Variants in CBLN2 observed in about 807,000 individuals in gnomAD.
CBLN2 encodes the protein cerebellin 2 precursor.
CBLN2 carries 7 observed loss-of-function variants against 15.0 expected under a neutral mutation model. That is an observed-to-expected ratio of 0.47 (90% confidence interval 0.27 to 0.88). The LOEUF is 0.88. Among genes scored for constraint, CBLN2 ranks in the 40% least tolerant of loss-of-function variants. CBLN2 has a pLI of 0.14. For missense variants in CBLN2, 242 were observed against 304.5 expected (o/e 0.79, Z 1.53); for synonymous variants, 149 against 135.2 (o/e 1.10, Z -0.71).
At chr18:72,608,446 C>T (rs923619534) in intron 1 of CBLN2, among the ~76,000 whole-genome samples, 2 of 152,196 alleles carry the variant, frequency 1.3e-5, no homozygotes, top group Non-Finnish European at 2.9e-5. Flanking sequence ...GGGGTGCTGA[C>T]ACTCAACAGG....
intron 1 of CBLN2, among the ~76,000 whole-genome samples, chr18:72,571,766 TA>T (rs2069333700): frequency 6.6e-6 from 1 of 152,216 alleles, no homozygotes; most frequent in Non-Finnish European, 1.5e-5. Context: ...AATCTTCCAG[TA>T]AACTGCAAAG....
intron 1 of CBLN2, among the ~76,000 whole-genome samples, chr18:72,599,538 G>A (rs749584752): frequency 2.6e-5 from 4 of 152,246 alleles, no homozygotes; most frequent in Admixed American, 2.0e-4. Flanking sequence ...ATTTTGTGGA[G>A]TTTTTTAAAA....
intron 1 of CBLN2, chr18:72,620,708 C>A (rs1403768861): frequency 6.6e-6 from 1 of 152,118 alleles, no homozygotes; most frequent in Non-Finnish European, 1.5e-5. Flanking sequence ...CAGGGACCTA[C>A]CCTCGTCTGC....
intron 1 of CBLN2, among the ~76,000 whole-genome samples, chr18:72,598,183 C>A (rs2069525260): frequency 6.6e-6 from 1 of 152,172 alleles, no homozygotes; most frequent in South Asian, 2.1e-4. Context: ...CTCTGAGTTT[C>A]ATCCAAAGTC....
At chr18:72,623,952 C>T (rs1016969017) in intron 1 of CBLN2, among the ~76,000 whole-genome samples, 41 of 152,272 alleles carry the variant, frequency 2.7e-4, no homozygotes, top group African/African-American at 8.7e-4. Flanking sequence ...ATAACTTGCT[C>T]TCTGGGAGCT....
At chr18:72,569,174 T>C (rs536397480) in intron 1 of CBLN2, among the ~76,000 whole-genome samples, 1 of 152,312 alleles carries the variant, frequency 6.6e-6, no homozygotes, top group African/African-American at 2.4e-5. Context: ...AGCATGCCAC[T>C]AGTGATACCA....
At chr18:72,556,356 T>C (rs1323610220) in intron 1 of CBLN2, among the ~76,000 whole-genome samples, 5 of 152,216 alleles carry the variant, frequency 3.3e-5, no homozygotes, top group African/African-American at 4.8e-5. Context: ...ATCAATATTA[T>C]CCATTTTCTA....
intron 1 of CBLN2, among the ~76,000 whole-genome samples, chr18:72,604,968 A>G (rs1396334225): frequency 6.6e-6 from 1 of 152,248 alleles, no homozygotes; most frequent in Non-Finnish European, 1.5e-5. Flanking sequence ...AGTATAAAAT[A>G]CTATTCCTTC....
At chr18:72,624,593 T>C (rs983272560) in intron 1 of CBLN2, among the ~76,000 whole-genome samples, 1 of 152,154 alleles carries the variant, frequency 6.6e-6, no homozygotes, top group Admixed American at 6.5e-5. Flanking sequence ...TGAGTCAAGA[T>C]TGTGCCACTG....
chr18:72,538,580 C>T (rs1309819424), intron 4 of CBLN2, 73 bp downstream of exon 4: 10 of 1,585,518 alleles, frequency 6.3e-6, no homozygotes, highest in Non-Finnish European at 8.6e-6. Context: ...CCTCAGAGAC[C>T]AGGTGAAGGG....
At chr18:72,586,395 A>G (rs1223592495) in intron 1 of CBLN2, among the ~76,000 whole-genome samples, 2 of 152,180 alleles carry the variant, frequency 1.3e-5, no homozygotes, top group African/African-American at 4.8e-5. Flanking sequence ...ATTTGCCATA[A>G]ATTTCTTTAC....
At chr18:72,637,587 G>A (rs2069822281) in intron 1 of CBLN2, among the ~76,000 whole-genome samples, 1 of 152,184 alleles carries the variant, frequency 6.6e-6, no homozygotes, top group South Asian at 2.1e-4. Context: ...CAATCACTGT[G>A]GCTCTGTGAG....
At position 72,626,773 on chromosome 18, in the gene CBLN2, C is replaced by G. The variant is rs144520908; in HGVS notation, c.15+11552G>C. ...AGGAGCCAAAAGGAAGACAAAACAA[C>G]AAATGGTGACTCTCTGATTTGATGA... On this transcript the variant is annotated intron_variant, in intron 1 of 2. Coordinates refer to the CBLN2 transcript ENST00000581073. Among the ~76,000 whole-genome samples, 351 of 152,244 alleles carry G rather than the reference C, an allele frequency of 2.3e-3. 1 individual carries two copies. Among genetic ancestry groups the G allele is most frequent in the African/African-American group, 8.1e-3 (335 of 41,552 alleles).
At chr18:72,554,249 C>T (rs949899127) in intron 1 of CBLN2, among the ~76,000 whole-genome samples, 4 of 151,410 alleles carry the variant, frequency 2.6e-5, no homozygotes, top group Admixed American at 2.6e-4. Context: ...AAGTTGTAAT[C>T]TATTATGCCT....
intron 1 of CBLN2, among the ~76,000 whole-genome samples, chr18:72,624,256 G>A (rs1379540311): frequency 6.6e-6 from 1 of 150,912 alleles, no homozygotes; most frequent in East Asian, 1.9e-4. Flanking sequence ...TCCTGCCCTT[G>A]CATACTCCAG....
intron 1 of CBLN2, among the ~76,000 whole-genome samples, chr18:72,602,982 C>G (rs2069559051): frequency 1.3e-5 from 2 of 152,150 alleles, no homozygotes; most frequent in Non-Finnish European, 1.5e-5. Context: ...AATAGAACAC[C>G]ATTTACTAGC....
chr18:72,559,920 G>C (rs564716646), intron 1 of CBLN2, among the ~76,000 whole-genome samples: 4 of 152,142 alleles, frequency 2.6e-5, no homozygotes, highest in African/African-American at 9.7e-5. Flanking sequence ...CAATCACCTC[G>C]GTGACACTTG....
chr18:72,548,084 A>G (rs934176350), upstream of CBLN2, among the ~76,000 whole-genome samples: 1 of 152,166 alleles, frequency 6.6e-6, no homozygotes, highest in Non-Finnish European at 1.5e-5. Context: ...AGAAGCTTAG[A>G]GATCTGAGTG....
chr18:72,539,088 A>G, intron 3 of CBLN2: 1 of 263,412 alleles, frequency 3.8e-6, no homozygotes, highest in Non-Finnish European at 7.5e-6. Context: ...GGAATCGAAG[A>G]TGGTAAGCTT....
Sources: gnomAD v4.1 joint callset for allele counts (sites outside exome capture counted in the v4.1 genomes callset) on GRCh38, gnomAD v4.1.1 for gene constraint, MANE v1.5 for transcripts, NCBI Gene and HGNC (gene_info 2026-07-23, HGNC 2026-07-21) for gene names.